Variants in CUX1 observed in about 807,000 individuals in gnomAD.
CUX1 encodes cut like homeobox 1.
In CUX1, 31 loss-of-function variants were observed where a neutral mutation model predicts 158.8. That is an observed-to-expected ratio of 0.20 (90% CI 0.15 to 0.26). The LOEUF is 0.26. Ranked by LOEUF, CUX1 falls within the 10% of genes least tolerant of loss-of-function variation. The pLI is 1.00. For synonymous variants in CUX1, 879 were observed against 862.1 expected, an observed-to-expected ratio of 1.02 and a Z score of -0.34; for missense variants, 1,589 against 2,014.6, an observed-to-expected ratio of 0.79 and a Z score of 4.04.
At chr7:101,976,295 A>G (rs1812667971) in intron 2 of CUX1, among the ~76,000 whole-genome samples, 1 of 152,150 alleles carries the variant, frequency 6.6e-6, no homozygotes, top group African/African-American at 2.4e-5. Flanking sequence ...TGAATCGACA[A>G]CAGTTTTGTG....
At chr7:101,860,315 C>G (rs1322927755) in intron 1 of CUX1, among the ~76,000 whole-genome samples, 2 of 152,226 alleles carry the variant, frequency 1.3e-5, no homozygotes, top group African/African-American at 4.8e-5. Context: ...AGTTTCATCT[C>G]CGCCCCTGCC....
At chr7:102,205,247 C>A in intron 20 of CUX1, 77 bp downstream of exon 20, 1 of 1,104,022 alleles carries the variant, frequency 9.1e-7, no homozygotes, top group Admixed American at 1.7e-5. Flanking sequence ...TGGTCTGTCC[C>A]GGCGAGACTC....
intron 1 of CUX1, chr7:101,913,524 G>A: frequency 1.5e-6 from 1 of 677,960 alleles, no homozygotes; most frequent in Non-Finnish European, 2.0e-6. Context: ...GGGAGGGGCA[G>A]GTGGGGACCG....
intron 1 of CUX1, chr7:101,822,622 C>CG (rs1792793340): frequency 6.6e-6 from 1 of 152,268 alleles, no homozygotes; most frequent in African/African-American, 2.4e-5. Flanking sequence ...CGTCTAAGGC[C>CG]GGGCACGGTG....
At chr7:102,144,944 T>G (rs558691838) in intron 8 of CUX1, among the ~76,000 whole-genome samples, 2 of 151,822 alleles carry the variant, frequency 1.3e-5, no homozygotes, top group South Asian at 4.2e-4. Flanking sequence ...AAAAATTAGC[T>G]GGGTGTGGTG....
chr7:101,932,240 A>G (rs1191340828), intron 2 of CUX1: 1 of 160,838 alleles, frequency 6.2e-6, no homozygotes, highest in Non-Finnish European at 1.4e-5. Context: ...GGCCCGGGCC[A>G]TCAGTAGCTT....
chr7:102,199,341 G>A (rs782603271), intron 16 of CUX1, among the ~76,000 whole-genome samples: 3 of 152,188 alleles, frequency 2.0e-5, no homozygotes, highest in South Asian at 4.1e-4. Flanking sequence ...TACTTGTTTT[G>A]AATGCAGTGG....
At chr7:102,231,698 T>G (rs1204952877) in intron 21 of CUX1, among the ~76,000 whole-genome samples, 3 of 151,842 alleles carry the variant, frequency 2.0e-5, no homozygotes, top group African/African-American at 7.3e-5. Flanking sequence ...CATGTTAGCA[T>G]TAAGTAAAAT....
intron 18 of CUX1, chr7:102,278,097 T>A: frequency 1.3e-6 from 2 of 1,511,458 alleles, no homozygotes; most frequent in Non-Finnish European, 1.8e-6. Context: ...CAGCTCCAGG[T>A]GGACCAGGCA....
chr7:101,901,222 C>A (rs73185813), intron 1 of CUX1, among the ~76,000 whole-genome samples: 18,275 of 152,026 alleles, frequency 0.12, 1,204 homozygotes, highest in South Asian at 0.18. Flanking sequence ...CTGGAAGAAA[C>A]AGGGCTATAC....
intron 1 of CUX1, among the ~76,000 whole-genome samples, chr7:101,832,898 A>T (rs532506373): frequency 1.2e-4 from 18 of 152,090 alleles, no homozygotes; most frequent in African/African-American, 4.3e-4. Flanking sequence ...CGCCATGGCC[A>T]TGCAGGGAGG....
At chr7:102,195,369 C>G in intron 13 of CUX1, 138 bp from the exon 14 acceptor site, 1 of 596,446 alleles carries the variant, frequency 1.7e-6, no homozygotes, top group Non-Finnish European at 2.8e-6. Flanking sequence ...ATCAGCTGTC[C>G]GCAGCCCACT....
chr7:101,898,984 G>A (rs1028369901), intron 1 of CUX1, among the ~76,000 whole-genome samples: 2 of 152,208 alleles, frequency 1.3e-5, no homozygotes, highest in African/African-American at 2.4e-5. Context: ...CCAGAGCCCC[G>A]TCCACTGGCG....
At chr7:102,046,319 G>A (rs1161669632) in intron 3 of CUX1, among the ~76,000 whole-genome samples, 4 of 151,732 alleles carry the variant, frequency 2.6e-5, no homozygotes, top group African/African-American at 4.8e-5. Flanking sequence ...TGCCACCTCC[G>A]CCTCCCAGGT....
intron 4 of CUX1, among the ~76,000 whole-genome samples, chr7:102,071,156 A>C (rs1183628177): frequency 1.3e-5 from 2 of 151,664 alleles, no homozygotes. Context: ...ATGAGGTCTC[A>C]CTTTATTGCC....
intron 8 of CUX1, among the ~76,000 whole-genome samples, chr7:102,148,888 C>T (rs1280450267): frequency 6.6e-6 from 1 of 151,490 alleles, no homozygotes; most frequent in Non-Finnish European, 1.5e-5. Flanking sequence ...GCATTTTCAT[C>T]GCTTAGCTCC....
rs368298887 is a variant in CUX1 at position 101,924,511 on chromosome 7, C to G, written c.141+8286C>G. 3.2e-3 allele frequency among the ~76,000 whole-genome samples: 488 copies of G among 151,770 alleles called. 7 individuals carry two copies. Among genetic ancestry groups the G allele is most frequent in the African/African-American group, 0.012 (478 of 41,424 alleles). On this transcript the variant is annotated intron_variant, in intron 2 of 23. Transcript: ENST00000292535. ...GGTGATCGTTGTAACCCCATCTTGGCATTGACGTGAGGATTTAGCAAAGTC... is the reference window on the plus strand; with the variant it reads ...GGTGATCGTTGTAACCCCATCTTGGGATTGACGTGAGGATTTAGCAAAGTC...
At chr7:101,846,408 T>C (rs1368226594) in intron 1 of CUX1, among the ~76,000 whole-genome samples, 1 of 151,868 alleles carries the variant, frequency 6.6e-6, no homozygotes, top group Non-Finnish European at 1.5e-5. Flanking sequence ...AGCCTCGACC[T>C]CCTGGGATCA....
chr7:102,196,523 C>T lies in CUX1; in HGVS notation c.1223-111C>T, dbSNP rs1586161300. The T allele has an allele frequency of 6.7e-6, 7 of 1,049,466 alleles. No homozygotes were observed. The East Asian group carries it at 1.5e-4, about 23-fold the overall frequency. The allele number at this position is 1,049,466 out of a possible 1,614,324, so 65.0% of individuals were successfully genotyped here. On this transcript the variant is annotated intron_variant, in intron 14 of 23. Coordinates refer to ENST00000292535, the MANE Select transcript of CUX1 (RefSeq NM_181552.4). ...CATTGGCCCTTGTAAAAAAAACCTG[C>T]ACTTTTTTTTGTTTTCCCTTTTGCG...
Sources: allele counts gnomAD v4.1 joint callset (sites outside exome capture counted in the v4.1 genomes callset), GRCh38; gene constraint gnomAD v4.1.1; transcripts MANE v1.5; gene names NCBI Gene and HGNC (gene_info 2026-07-23, HGNC 2026-07-21).